GRM8: variants seen among roughly 807,000 people sequenced by gnomAD.
GRM8 encodes metabotropic glutamate receptor 8.
In GRM8, 47 loss-of-function variants were observed where a neutral mutation model predicts 87.2. That is an observed-to-expected ratio of 0.54 (90% CI 0.43 to 0.69). The LOEUF (loss-of-function observed/expected upper bound fraction) is 0.69, where lower values mean the gene tolerates loss of function less well. Among genes scored for constraint, GRM8 ranks in the 30% least tolerant of loss-of-function variants. The pLI is 0.00. For synonymous variants in GRM8, 396 were observed against 404.5 expected (o/e 0.98, Z 0.25); for missense variants, 1,019 against 1,139.2 (o/e 0.89, Z 1.52).
chr7:126,773,620 A>G (rs2151618405), intron 6 of GRM8, among the ~76,000 whole-genome samples: 1 of 152,200 alleles, frequency 6.6e-6, no homozygotes, highest in African/African-American at 2.4e-5. Context: ...TTATAAAGAT[A>G]CTCCTCAGCA....
chr7:126,612,433 T>C (rs1799014523), intron 7 of GRM8, among the ~76,000 whole-genome samples: 2 of 152,138 alleles, frequency 1.3e-5, no homozygotes, highest in Non-Finnish European at 2.9e-5. Context: ...CCCCTCTCTA[T>C]ATAATTCCTT....
At chr7:126,568,135 G>A (rs982423859) in intron 8 of GRM8, among the ~76,000 whole-genome samples, 12 of 152,062 alleles carry the variant, frequency 7.9e-5, no homozygotes, top group Admixed American at 1.3e-4. Context: ...GTTTTAGTGA[G>A]GGGCTCAAAG....
At chr7:127,137,738 T>G (rs1458193961) in intron 2 of GRM8, among the ~76,000 whole-genome samples, 3 of 152,102 alleles carry the variant, frequency 2.0e-5, no homozygotes, top group Admixed American at 6.5e-5. Context: ...AAAACAGAAC[T>G]ATGAATCCTG....
At chr7:127,148,581 G>T (rs925187290) in intron 2 of GRM8, among the ~76,000 whole-genome samples, 2 of 151,830 alleles carry the variant, frequency 1.3e-5, no homozygotes, top group African/African-American at 2.4e-5. Context: ...GTTAGGCCAC[G>T]AAACAATCTT....
At chr7:127,183,139 A>G (rs1383822074) in intron 2 of GRM8, among the ~76,000 whole-genome samples, 1 of 152,010 alleles carries the variant, frequency 6.6e-6, no homozygotes, top group East Asian at 1.9e-4. Flanking sequence ...AAGCTGGAAT[A>G]ACTATATTAA....
intron 3 of GRM8, among the ~76,000 whole-genome samples, chr7:127,061,846 A>G (rs183749044): frequency 5.8e-4 from 89 of 152,318 alleles, no homozygotes; most frequent in Non-Finnish European, 9.8e-4. Context: ...TCCATACTGG[A>G]TGTTCTTTAT....
Position 126,990,739 on chromosome 7 carries a change from C to A in GRM8, c.728-86056G>T, listed in dbSNP as rs377282758. Among the ~76,000 whole-genome samples, 34 of 152,286 alleles carry A rather than the reference C, an allele frequency of 2.2e-4. No individual in the cohort carries two copies. The East Asian group carries it at 4.1e-3, about 18-fold the overall frequency. ...TAAATGGGCATAAGTGAAATTGCTACAATAGCATTGTTGTGAAAAATATAA... is the reference window on the plus strand; with the variant it reads ...TAAATGGGCATAAGTGAAATTGCTAAAATAGCATTGTTGTGAAAAATATAA... On this transcript the variant is annotated intron_variant, in intron 3 of 10. Transcript: ENST00000339582.
intron 2 of GRM8, among the ~76,000 whole-genome samples, chr7:127,224,216 A>G (rs1223405446): frequency 3.9e-5 from 6 of 152,222 alleles, no homozygotes; most frequent in African/African-American, 1.2e-4. Flanking sequence ...GAATCTGAGC[A>G]CCAAATGGGA....
Position 127,063,978 on chromosome 7 carries a change from T to C in GRM8, c.727+42518A>G, listed in dbSNP as rs574135301. On this transcript the variant is annotated intron_variant, in intron 3 of 10. Coordinates refer to ENST00000339582, the MANE Select transcript of GRM8 (RefSeq NM_000845.3). ...TGACTTTCTATTTTTATTGTGCTAT[T>C]GTCTGAGAGTGTGTTTGGTATTATT... Among the ~76,000 whole-genome samples, 6 of 152,364 alleles carry C rather than the reference T, an allele frequency of 3.9e-5. No homozygotes were observed. The East Asian group carries it at 1.2e-3, about 29-fold the overall frequency.
At chr7:126,637,596 T>C (rs149618977) in intron 7 of GRM8, among the ~76,000 whole-genome samples, 153 of 152,292 alleles carry the variant, frequency 1.0e-3, no homozygotes, top group African/African-American at 3.6e-3. Context: ...TTATTTCTCC[T>C]TGCACAAAAT....
intron 7 of GRM8, among the ~76,000 whole-genome samples, chr7:126,730,323 GA>G (rs1813450860): frequency 6.6e-6 from 1 of 151,840 alleles, no homozygotes; most frequent in African/African-American, 2.4e-5. Context: ...GTATGGATAG[GA>G]AAAAAAATAA....
intron 6 of GRM8, among the ~76,000 whole-genome samples, chr7:126,796,997 G>A (rs1329170010): frequency 5.9e-5 from 9 of 152,024 alleles, no homozygotes; most frequent in Non-Finnish European, 1.3e-4. Flanking sequence ...GATCAGAAGT[G>A]CGCTGTTCTC....
chr7:126,987,771 TAC>T (rs756785986), intron 3 of GRM8, among the ~76,000 whole-genome samples: 12 of 152,178 alleles, frequency 7.9e-5, no homozygotes, highest in Non-Finnish European at 1.5e-4. Flanking sequence ...CCTTCTTGTT[TAC>T]AGTTTTATCT....
intron 7 of GRM8, among the ~76,000 whole-genome samples, chr7:126,682,866 T>G (rs544734249): frequency 6.6e-6 from 1 of 152,272 alleles, no homozygotes; most frequent in East Asian, 1.9e-4. Context: ...CTGGCCAATA[T>G]GGTGAAACCC....
chr7:127,015,244 GAAGAAGAAGAAGAAGAAA>G (rs1169429423), intron 3 of GRM8, among the ~76,000 whole-genome samples: 13 of 117,908 alleles, frequency 1.1e-4, no homozygotes, highest in Non-Finnish European at 1.1e-4. Context: ...AGAAGAAGAA[GAAGAAGAAGAAGAAGAAA>G]AGAGAGAGAG....
intron 2 of GRM8, among the ~76,000 whole-genome samples, chr7:127,233,219 T>G (rs570033278): frequency 6.6e-6 from 1 of 152,152 alleles, no homozygotes; most frequent in South Asian, 2.1e-4. Flanking sequence ...TAGGTCAAAG[T>G]TTGAACTCGG....
At chr7:126,963,052 T>C (rs917702586) in intron 3 of GRM8, among the ~76,000 whole-genome samples, 1 of 152,204 alleles carries the variant, frequency 6.6e-6, no homozygotes, top group Non-Finnish European at 1.5e-5. Context: ...CTATTCTGCA[T>C]GCAAACCAAA....
At chr7:126,684,279 G>T (rs989384456) in intron 7 of GRM8, among the ~76,000 whole-genome samples, 1 of 152,156 alleles carries the variant, frequency 6.6e-6, no homozygotes, top group East Asian at 1.9e-4. Context: ...ATCCTCTTGG[G>T]TCCAAGGACT....
At chr7:126,724,449 T>A (rs1812745579) in intron 7 of GRM8, among the ~76,000 whole-genome samples, 1 of 152,130 alleles carries the variant, frequency 6.6e-6, no homozygotes, top group African/African-American at 2.4e-5. Context: ...AAAGGAACCT[T>A]AGTTCCCTGA....
Sources: allele counts gnomAD v4.1 joint callset (sites outside exome capture counted in the v4.1 genomes callset), GRCh38; gene constraint gnomAD v4.1.1; transcripts MANE v1.5; gene names NCBI Gene and HGNC (gene_info 2026-07-23, HGNC 2026-07-21).